MAD1L1: variants seen among roughly 807,000 people sequenced by gnomAD.
MAD1L1 encodes the protein mitotic spindle assembly checkpoint protein MAD1.
Under a neutral mutation model 96.9 loss-of-function variants are expected in MAD1L1, and 95 were observed. The observed-to-expected ratio is 0.98, with a 90% confidence interval of 0.83 to 1.16. The LOEUF (loss-of-function observed/expected upper bound fraction) is 1.16, where lower values mean the gene tolerates loss of function less well. Among genes scored for constraint, MAD1L1 ranks in the 50% most tolerant of loss-of-function variants. MAD1L1 has a pLI of 0.00. For synonymous variants in MAD1L1, 473 were observed against 396.6 expected (o/e 1.19, Z -2.29); for missense variants, 1,007 against 954.4 (o/e 1.06, Z -0.73).
intron 3 of MAD1L1, among the ~76,000 whole-genome samples, chr7:2,226,488 G>A (rs184861036): frequency 1.1e-4 from 17 of 151,968 alleles, no homozygotes; most frequent in African/African-American, 3.4e-4. Flanking sequence ...ACCACACAGG[G>A]CTAGTGATTA....
intron 11 of MAD1L1, among the ~76,000 whole-genome samples, chr7:2,075,376 C>A: frequency 6.6e-6 from 1 of 152,222 alleles, no homozygotes; most frequent in Non-Finnish European, 1.5e-5. Flanking sequence ...GCACGCTGAG[C>A]CACAGCGGCA....
intron 12 of MAD1L1, among the ~76,000 whole-genome samples, chr7:2,052,733 G>A (rs1784237337): frequency 6.6e-6 from 1 of 152,228 alleles, no homozygotes; most frequent in South Asian, 2.1e-4. Context: ...AAATAAACCT[G>A]GAGCAAACAG....
At chr7:2,034,712 C>T (rs1480858106) in intron 12 of MAD1L1, among the ~76,000 whole-genome samples, 1 of 152,190 alleles carries the variant, frequency 6.6e-6, no homozygotes, top group Admixed American at 6.5e-5. Context: ...CGTGGGTGTC[C>T]GTGAGTGCTT....
intron 18 of MAD1L1, among the ~76,000 whole-genome samples, chr7:1,893,720 C>T (rs1786695696): frequency 6.6e-6 from 1 of 152,296 alleles, no homozygotes; most frequent in South Asian, 2.1e-4. Context: ...CCAGGGAGCA[C>T]CCAGACCACA....
rs1185487261 is a variant in MAD1L1, at chr7:2,103,812, G to A, written c.1074-34474C>T. 2.6e-5 allele frequency among the ~76,000 whole-genome samples: 4 copies of A among 152,216 alleles called. No individual in the cohort carries two copies. Among genetic ancestry groups the A allele is most frequent in the East Asian group, 3.9e-4 (2 of 5,188 alleles). ...GAGTCCCTCCGCATCCCCAGGCAGA[G>A]GGACAGTCTCACAGGTGGTGTCCGG... On this transcript the variant is annotated intron_variant, in intron 11 of 18. Transcript: ENST00000265854. This position sits in a 1 kb window ranked among gnomAD's most constrained non-coding sequence, Gnocchi z 4.3.
chr7:2,052,355 A>G (rs1239683357), intron 12 of MAD1L1, among the ~76,000 whole-genome samples: 1 of 152,178 alleles, frequency 6.6e-6, no homozygotes, highest in Non-Finnish European at 1.5e-5. Flanking sequence ...CAGCCTCAGG[A>G]AGACCACACA....
intron 15 of MAD1L1, among the ~76,000 whole-genome samples, chr7:1,966,097 G>A (rs1005521106): frequency 1.3e-5 from 2 of 152,256 alleles, no homozygotes; most frequent in Non-Finnish European, 2.9e-5. Flanking sequence ...TAGCTAAGCT[G>A]ACAGGCACTG....
chr7:2,137,952 G>A (rs998111533), intron 11 of MAD1L1, among the ~76,000 whole-genome samples: 11 of 152,194 alleles, frequency 7.2e-5, no homozygotes, highest in African/African-American at 1.4e-4. Flanking sequence ...ATAACTATGC[G>A]AGGGCCACAC....
intron 11 of MAD1L1, among the ~76,000 whole-genome samples, chr7:2,122,566 CACTCCA>C (rs1380874869): frequency 1.3e-5 from 2 of 152,018 alleles, no homozygotes; most frequent in Admixed American, 1.3e-4. Context: ...CAGGCCACTT[CACTCCA>C]GCCTGGGCGA....
chr7:1,864,864 T>A (rs2079427966), intron 18 of MAD1L1, among the ~76,000 whole-genome samples: 1 of 151,766 alleles, frequency 6.6e-6, no homozygotes, highest in Non-Finnish European at 1.5e-5. Context: ...CTGCCAGGAG[T>A]GGATGCGGCC....
intron 18 of MAD1L1, among the ~76,000 whole-genome samples, chr7:1,889,014 G>A (rs945451882): frequency 6.6e-6 from 1 of 152,236 alleles, no homozygotes; most frequent in African/African-American, 2.4e-5. Context: ...ACAGTGGCAG[G>A]GATCCACTCA....
In MAD1L1 at chr7:1,936,777, C is replaced by A. The variant is rs761086103; in HGVS notation, c.1717G>T (p.Gly573Trp). 5 of 1,576,678 alleles carry A rather than the reference C, an allele frequency of 3.2e-6. No homozygotes were observed. The highest frequency in any genetic ancestry group is 2.3e-5 in the East Asian group (1 of 42,840). The change falls in exon 17 of 19, where the codon GGG (glycine) becomes TGG (tryptophan). Residue 573 changes from glycine (G) to tryptophan (W), a missense_variant. Transcript: ENST00000265854. ...CCTCTCTCCATGGCGCGCAGGAGCC[C>A]GCGCAGTCGCTCGCACTCCGCCTGC... ...QLQAECERLR[G>W]LLRAMERGGT...
rs1036894613 is a variant in MAD1L1, at chr7:2,034,484, A to G, written c.1219-19842T>C. On this transcript the variant is annotated intron_variant, in intron 12 of 18. Coordinates refer to ENST00000265854, the MANE Select transcript of MAD1L1 (RefSeq NM_001013836.2). ...ACCCGTCTCAGCCTCCCAAAGTGCT[A>G]GGATTACAGGCATGAGCCACCGCAG... Among the ~76,000 whole-genome samples the G allele has an allele frequency of 3.9e-5, 6 of 152,220 alleles. No individual in the cohort carries two copies. In the East Asian group the frequency reaches 5.8e-4, roughly 15 times the overall value.
intron 17 of MAD1L1, among the ~76,000 whole-genome samples, chr7:1,924,874 G>C (rs1789004774): frequency 6.6e-6 from 1 of 152,108 alleles, no homozygotes; most frequent in African/African-American, 2.4e-5. Flanking sequence ...CACCTGAAAT[G>C]ATAAAATATG....
At chr7:2,041,051 C>T (rs1280878587) in intron 12 of MAD1L1, among the ~76,000 whole-genome samples, 1 of 152,222 alleles carries the variant, frequency 6.6e-6, no homozygotes, top group East Asian at 1.9e-4. Flanking sequence ...CTACCCCCTG[C>T]ACTGAGACAC....
At chr7:2,013,167 C>T (rs1414684067) in intron 13 of MAD1L1, among the ~76,000 whole-genome samples, 4 of 152,368 alleles carry the variant, frequency 2.6e-5, no homozygotes, top group Admixed American at 6.5e-5. Context: ...CTCAGCAGCC[C>T]GGCTGGAAGG....
chr7:2,070,364 A>C (rs1785066381), intron 11 of MAD1L1, among the ~76,000 whole-genome samples: 2 of 152,132 alleles, frequency 1.3e-5, no homozygotes. Context: ...GGAGAGGGTG[A>C]GTCAGGACTC....
Position 2,006,794 on chromosome 7 carries a change from C to T in MAD1L1, c.1360-4673G>A, listed in dbSNP as rs181782151. 1.7e-3 allele frequency among the ~76,000 whole-genome samples: 256 copies of T among 152,278 alleles called. 1 individual carries two copies. The highest frequency in any genetic ancestry group is 5.8e-3 in the African/African-American group (243 of 41,548). ...GCGCAGAGGAGGCTCCCAGATGGGG[C>T]ACCAGGAAGCTTTGGGGGACAGGCT... On this transcript the variant is annotated intron_variant, in intron 13 of 18. Coordinates refer to ENST00000265854, the MANE Select transcript of MAD1L1 (RefSeq NM_001013836.2).
At chr7:2,231,473 G>T (rs1246784820) in intron 1 of MAD1L1, among the ~76,000 whole-genome samples, 1 of 152,048 alleles carries the variant, frequency 6.6e-6, no homozygotes, top group Non-Finnish European at 1.5e-5. Flanking sequence ...CAGATGTGGT[G>T]GCGTGCACCT....
Sources: allele counts gnomAD v4.1 joint callset (sites outside exome capture counted in the v4.1 genomes callset), GRCh38; gene constraint gnomAD v4.1.1; non-coding constraint Gnocchi (gnomAD v3.1); transcripts MANE v1.5; gene names NCBI Gene and HGNC (gene_info 2026-07-23, HGNC 2026-07-21).